The following SLC9A9 variants were observed in gnomAD, a reference collection of about 807,000 sequenced individuals.
SLC9A9 encodes solute carrier family 9 member A9.
In SLC9A9, 62 loss-of-function variants were observed where a neutral mutation model predicts 77.8. That is an observed-to-expected ratio of 0.80 (90% CI 0.65 to 0.98). The LOEUF (loss-of-function observed/expected upper bound fraction) is 0.98, where lower values mean the gene tolerates loss of function less well. Among genes scored for constraint, SLC9A9 ranks in the 50% least tolerant of loss-of-function variants. The probability of loss-of-function intolerance (pLI) is 0.00; values close to 1 mark genes in which losing one functional copy is unlikely to be tolerated. For synonymous variants in SLC9A9, 320 were observed against 283.5 expected, an observed-to-expected ratio of 1.13 and a Z score of -1.29; for missense variants, 775 against 774.9, an observed-to-expected ratio of 1.00 and a Z score of 0.00.
At chr3:143,269,849 G>C (rs1381221755) in intron 14 of SLC9A9, among the ~76,000 whole-genome samples, 1 of 152,196 alleles carries the variant, frequency 6.6e-6, no homozygotes. Context: ...TCATTGGTTG[G>C]ATCATGAAGA....
rs529039251 is a variant in SLC9A9 at position 143,503,022 on chromosome 3, C to T, written c.1090-7574G>A. 3.9e-5 allele frequency among the ~76,000 whole-genome samples: 6 copies of T among 152,170 alleles called. No individual in the cohort carries two copies. In the South Asian group the frequency reaches 1.2e-3, roughly 31 times the overall value. ...TTGCAAATAAGCATTACAATAAATG[C>T]TATTGAAATGATAAACTTTTGCTCC... On this transcript the variant is annotated intron_variant, in intron 9 of 15. Transcript: ENST00000316549.
At chr3:143,557,375 G>A (rs894765462) in intron 8 of SLC9A9, among the ~76,000 whole-genome samples, 4 of 152,126 alleles carry the variant, frequency 2.6e-5, no homozygotes, top group African/African-American at 9.7e-5. Flanking sequence ...AATTGGCACC[G>A]AGTGGGGTGG....
intron 2 of SLC9A9, among the ~76,000 whole-genome samples, chr3:143,815,843 T>C (rs9844917): frequency 0.9 from 136,692 of 151,924 alleles, 62,499 homozygotes; most frequent in South Asian, 0.98. Flanking sequence ...TCCAGCCTGG[T>C]GACAGAGCAA....
intron 7 of SLC9A9, among the ~76,000 whole-genome samples, chr3:143,576,175 G>A (rs546801862): frequency 1.1e-3 from 165 of 152,326 alleles, no homozygotes; most frequent in Non-Finnish European, 1.8e-3. Flanking sequence ...TCCTGGCCCT[G>A]AAATGTCCTA....
chr3:143,321,481 GC>G (rs2031417623), intron 14 of SLC9A9, among the ~76,000 whole-genome samples: 1 of 152,128 alleles, frequency 6.6e-6, no homozygotes, highest in Non-Finnish European at 1.5e-5. Context: ...CCCAGGGTTA[GC>G]TTTACTTGGC....
At chr3:143,830,844 T>A (rs531246779) in intron 2 of SLC9A9, among the ~76,000 whole-genome samples, 215 of 152,304 alleles carry the variant, frequency 1.4e-3, no homozygotes, top group African/African-American at 4.8e-3. Context: ...CCAAAAGCAG[T>A]GGCAGATCTA....
chr3:143,536,618 G>C (rs888543667), intron 9 of SLC9A9, among the ~76,000 whole-genome samples: 3 of 152,150 alleles, frequency 2.0e-5, no homozygotes, highest in Admixed American at 1.3e-4. Context: ...AAGGGAGCTT[G>C]ACAATTGTTC....
intron 12 of SLC9A9, among the ~76,000 whole-genome samples, chr3:143,397,567 CA>C (rs751702465): frequency 1.6e-4 from 25 of 152,268 alleles, no homozygotes; most frequent in East Asian, 5.8e-4. Flanking sequence ...GTTAAATAAA[CA>C]GAATGATATG....
At chr3:143,756,840 C>G (rs777042808) in intron 4 of SLC9A9, among the ~76,000 whole-genome samples, 10 of 152,188 alleles carry the variant, frequency 6.6e-5, no homozygotes, top group Non-Finnish European at 1.5e-4. Context: ...AAGCACAGAG[C>G]TGAATCTAAC....
At chr3:143,599,492 A>T (rs887364838) in intron 6 of SLC9A9, among the ~76,000 whole-genome samples, 27 of 152,130 alleles carry the variant, frequency 1.8e-4, no homozygotes, top group African/African-American at 6.3e-4. Flanking sequence ...TGTAGTTGAG[A>T]TGTGACCTAC....
intron 2 of SLC9A9, among the ~76,000 whole-genome samples, chr3:143,826,554 G>A (rs974144198): frequency 1.3e-5 from 2 of 152,050 alleles, no homozygotes; most frequent in Non-Finnish European, 1.5e-5. Flanking sequence ...CTATCCTTTT[G>A]CTTTTGTCAA....
chr3:143,366,123 A>T (rs2032893305), intron 13 of SLC9A9, among the ~76,000 whole-genome samples: 1 of 152,186 alleles, frequency 6.6e-6, no homozygotes, highest in Non-Finnish European at 1.5e-5. Context: ...GGTGAGCTAT[A>T]CTGGCAATCA....
intron 9 of SLC9A9, among the ~76,000 whole-genome samples, chr3:143,508,251 T>G (rs1305024107): frequency 6.6e-6 from 1 of 152,182 alleles, no homozygotes; most frequent in East Asian, 1.9e-4. Context: ...AACAGAATAT[T>G]AAGTCCCAGA....
At chr3:143,648,747 C>T (rs796484015) in intron 6 of SLC9A9, among the ~76,000 whole-genome samples, 7 of 152,294 alleles carry the variant, frequency 4.6e-5, no homozygotes, top group African/African-American at 1.7e-4. Flanking sequence ...CGAACCAATA[C>T]ATGCTGTACC....
intron 9 of SLC9A9, among the ~76,000 whole-genome samples, chr3:143,550,976 A>C (rs1044219397): frequency 3.9e-5 from 6 of 152,250 alleles, no homozygotes; most frequent in Non-Finnish European, 5.9e-5. Context: ...ATGTGACTTT[A>C]CTTGGAAACG....
At chr3:143,835,502 T>C (rs970565140) in intron 1 of SLC9A9, among the ~76,000 whole-genome samples, 1 of 152,260 alleles carries the variant, frequency 6.6e-6, no homozygotes, top group Admixed American at 6.5e-5. Context: ...ATGCTTTTTA[T>C]AGTGAAACAT....
chr3:143,413,635 G>T (rs1347081358), intron 12 of SLC9A9, among the ~76,000 whole-genome samples: 1 of 152,154 alleles, frequency 6.6e-6, no homozygotes, highest in Non-Finnish European at 1.5e-5. Flanking sequence ...GCAAAGAAAA[G>T]GCTGTCAGCT....
At chr3:143,578,555 C>T in intron 7 of SLC9A9, 30 bp downstream of exon 7, 3 of 1,613,604 alleles carry the variant, frequency 1.9e-6, no homozygotes, top group East Asian at 2.2e-5. Context: ...TCTTGACAGT[C>T]CCAGCTTTCC....
At chr3:143,814,544 G>C (rs1305180318) in intron 2 of SLC9A9, among the ~76,000 whole-genome samples, 1 of 152,196 alleles carries the variant, frequency 6.6e-6, no homozygotes, top group Non-Finnish European at 1.5e-5. Context: ...ATGCAGGGCT[G>C]CCAGGTTTAG....
Sources: allele counts gnomAD v4.1 joint callset (sites outside exome capture counted in the v4.1 genomes callset), GRCh38; gene constraint gnomAD v4.1.1; transcripts MANE v1.5; gene names NCBI Gene and HGNC (gene_info 2026-07-23, HGNC 2026-07-21).